OR3A2: variants seen among roughly 807,000 people sequenced by gnomAD.
The protein encoded by OR3A2 is olfactory receptor 3A2.
For missense variants in OR3A2, 318 were observed against 392.8 expected, an observed-to-expected ratio of 0.81 and a Z score of 1.61; for synonymous variants, 126 against 159.3, an observed-to-expected ratio of 0.79 and a Z score of 1.57.
intron 3 of OR3A2, chr17:3,310,167 CAT>C (rs1250682871): frequency 8.2e-6 from 3 of 367,712 alleles, no homozygotes; most frequent in Admixed American, 3.7e-5. Flanking sequence ...CTTCCCCTTA[CAT>C]TTCATGCGTT....
intron 3 of OR3A2, among the ~76,000 whole-genome samples, chr17:3,300,599 T>C (rs891852055): frequency 6.6e-6 from 1 of 151,936 alleles, no homozygotes; most frequent in Admixed American, 6.6e-5. Flanking sequence ...AAAATCACAA[T>C]AGAGACACTA....
intron 3 of OR3A2, among the ~76,000 whole-genome samples, chr17:3,324,292 C>T (rs1597340142): frequency 6.6e-6 from 1 of 152,044 alleles, no homozygotes; most frequent in East Asian, 1.9e-4. Context: ...AACTTCTTTG[C>T]CATTGGTTCG....
At chr17:3,305,798 C>CCTTTTGTAATAAAATTCTATTAAATAT (rs2048995436) in intron 3 of OR3A2, among the ~76,000 whole-genome samples, 1 of 152,192 alleles carries the variant, frequency 6.6e-6, no homozygotes. Context: ...CTTTTGTAAA[C>CCTTTTGTAATAAAATTCTATTAAATAT]CACAAATGAT....
At chr17:3,334,571 C>G (rs895418359) in intron 3 of OR3A2, among the ~76,000 whole-genome samples, 2 of 152,146 alleles carry the variant, frequency 1.3e-5, no homozygotes, top group African/African-American at 2.4e-5. Flanking sequence ...ACTCTCTTTC[C>G]TCCCAAATGT....
intron 3 of OR3A2, among the ~76,000 whole-genome samples, chr17:3,332,782 C>T (rs990277803): frequency 1.3e-5 from 2 of 152,208 alleles, no homozygotes; most frequent in Non-Finnish European, 2.9e-5. Flanking sequence ...ATTTCATGGA[C>T]ATTTATCAGT....
intron 3 of OR3A2, chr17:3,312,016 A>G (rs890227351): frequency 6.5e-6 from 1 of 153,628 alleles, no homozygotes; most frequent in African/African-American, 2.4e-5. Context: ...ATGGGCAGGA[A>G]AAATCCTCAG....
chr17:3,351,892 A>G (rs971666405), intron 2 of OR3A2, among the ~76,000 whole-genome samples: 1 of 152,032 alleles, frequency 6.6e-6, no homozygotes, highest in African/African-American at 2.4e-5. Flanking sequence ...ATCTACAACT[A>G]TCTGATCTTT....
chr17:3,308,597 T>A (rs2049016221), intron 3 of OR3A2, among the ~76,000 whole-genome samples: 1 of 152,280 alleles, frequency 6.6e-6, no homozygotes, highest in South Asian at 2.1e-4. Flanking sequence ...ATGGCAATGC[T>A]GCTACCAAAA....
At chr17:3,314,148 C>A (rs375135716) in intron 3 of OR3A2, among the ~76,000 whole-genome samples, 1 of 152,074 alleles carries the variant, frequency 6.6e-6, no homozygotes, top group African/African-American at 2.4e-5. Context: ...AAACTAAAAC[C>A]AAAGAAGTAC....
chr17:3,300,134 C>T (rs561300094), intron 3 of OR3A2, among the ~76,000 whole-genome samples: 2 of 151,646 alleles, frequency 1.3e-5, no homozygotes, highest in African/African-American at 4.8e-5. Flanking sequence ...TTTCCCTTCC[C>T]TCTTTTTTTT....
chr17:3,322,181 T>C (rs2049129600), intron 3 of OR3A2, among the ~76,000 whole-genome samples: 1 of 152,340 alleles, frequency 6.6e-6, no homozygotes, highest in Middle Eastern at 3.4e-3. Flanking sequence ...TAGTATTCTC[T>C]GATGGTAGTT....
At chr17:3,368,219 G>A (rs1433138916) in intron 2 of OR3A2, among the ~76,000 whole-genome samples, 1 of 152,130 alleles carries the variant, frequency 6.6e-6, no homozygotes, top group African/African-American at 2.4e-5. Context: ...CTTTCGCGGT[G>A]CATAAGCTTT....
At chr17:3,318,449 G>C (rs1252209714) in intron 3 of OR3A2, among the ~76,000 whole-genome samples, 1 of 152,088 alleles carries the variant, frequency 6.6e-6, no homozygotes, top group Non-Finnish European at 1.5e-5. Flanking sequence ...AGAATGCCTG[G>C]GCATGAGTCA....
chr17:3,379,850 G>A (rs913415428), intron 2 of OR3A2, among the ~76,000 whole-genome samples: 5 of 152,186 alleles, frequency 3.3e-5, no homozygotes, highest in African/African-American at 1.2e-4. Context: ...AGCACAGCCA[G>A]TCACCACACT....
chr17:3,359,973 T>C (rs1341614082), intron 2 of OR3A2, among the ~76,000 whole-genome samples: 1 of 151,754 alleles, frequency 6.6e-6, no homozygotes, highest in African/African-American at 2.4e-5. Flanking sequence ...ATTTCTAGTT[T>C]TAGATCCCTG....
At chr17:3,305,096 T>C (rs1347431379) in intron 3 of OR3A2, among the ~76,000 whole-genome samples, 1 of 151,872 alleles carries the variant, frequency 6.6e-6, no homozygotes, top group Non-Finnish European at 1.5e-5. Flanking sequence ...ACTCAGTAAG[T>C]GTGCACTTCA....
rs144630336 is a variant in OR3A2, at chr17:3,279,784, T to A, written c.-6-861A>T. On this transcript the variant is annotated intron_variant, in intron 1 of 1. Coordinates refer to ENST00000642052, the Ensembl canonical transcript of OR3A2. The stretch of plus-strand genomic sequence containing the variant: ...GCCTGGGTGACAGAGCGAGGCTCCA[T>A]CTCAAACAAAACAAAACAAAACAAA... Among the ~76,000 whole-genome samples, 113 of 151,586 alleles carry A rather than the reference T, an allele frequency of 7.5e-4. 1 individual carries two copies. In the Middle Eastern group the frequency reaches 0.02, roughly 27 times the overall value.
intron 2 of OR3A2, among the ~76,000 whole-genome samples, chr17:3,354,730 T>C (rs778062979): frequency 5.9e-5 from 9 of 151,428 alleles, no homozygotes; most frequent in Non-Finnish European, 7.4e-5. Flanking sequence ...TGATCTTTTA[T>C]ATTATTTTCT....
chr17:3,331,867 T>G (rs1346286122), intron 3 of OR3A2, among the ~76,000 whole-genome samples: 1 of 150,892 alleles, frequency 6.6e-6, no homozygotes, highest in African/African-American at 2.5e-5. Flanking sequence ...TTGTCTTTGA[T>G]GATGGTGATG....
Sources: allele counts gnomAD v4.1 joint callset (sites outside exome capture counted in the v4.1 genomes callset), GRCh38; gene constraint gnomAD v4.1.1; transcripts MANE v1.5; gene names NCBI Gene and HGNC (gene_info 2026-07-23, HGNC 2026-07-21).